The following EPM2A variants were observed in gnomAD, a reference collection of about 807,000 sequenced individuals.
The protein encoded by EPM2A is laforin.
A neutral mutation model predicts 26.5 loss-of-function variants in EPM2A; 21 were observed. The observed-to-expected ratio is 0.79, with a 90% CI of 0.56 to 1.14. The LOEUF (loss-of-function observed/expected upper bound fraction) is 1.14, where lower values mean the gene tolerates loss of function less well. EPM2A is among the 50% of genes most tolerant of loss of function. EPM2A has a pLI of 0.00. For missense variants in EPM2A, 458 were observed against 440.8 expected (o/e 1.04, Z -0.35); for synonymous variants, 217 against 177.6 (o/e 1.22, Z -1.76).
At chr6:145,422,605 C>A in intron 4 of EPM2A, among the ~76,000 whole-genome samples, 1 of 152,132 alleles carries the variant, frequency 6.6e-6, no homozygotes, top group Non-Finnish European at 1.5e-5. Context: ...ACTGACCTCA[C>A]TGACCATCAG....
intron 2 of EPM2A, among the ~76,000 whole-genome samples, chr6:145,567,247 A>G (rs1780895946): frequency 1.3e-5 from 2 of 152,186 alleles, no homozygotes; most frequent in South Asian, 2.1e-4. Context: ...GTTCTTTTGG[A>G]AAGTTCTTCC....
intron 2 of EPM2A, among the ~76,000 whole-genome samples, chr6:145,678,739 G>C (rs1335387879): frequency 6.6e-6 from 1 of 152,156 alleles, no homozygotes; most frequent in Non-Finnish European, 1.5e-5. Context: ...TCATTAAAAA[G>C]TCAGGAAACA....
At chr6:145,563,472 G>C (rs760564760) in intron 2 of EPM2A, among the ~76,000 whole-genome samples, 2 of 151,842 alleles carry the variant, frequency 1.3e-5, no homozygotes, top group African/African-American at 4.8e-5. Flanking sequence ...TGCGGTTAGA[G>C]AGGCCAGAGC....
At chr6:145,418,660 G>T (rs1299143100) in intron 4 of EPM2A, among the ~76,000 whole-genome samples, 3 of 152,158 alleles carry the variant, frequency 2.0e-5, no homozygotes, top group Admixed American at 6.5e-5. Flanking sequence ...CCTCAGTCTT[G>T]ATGGGACTTC....
At chr6:145,562,984 AGCC>A (rs1780829090) in intron 2 of EPM2A, among the ~76,000 whole-genome samples, 1 of 151,568 alleles carries the variant, frequency 6.6e-6, no homozygotes, top group Non-Finnish European at 1.5e-5. Context: ...ATGTGGATGA[AGCC>A]ACACAGGCAT....
chr6:145,529,677 C>G (rs1780327613), intron 2 of EPM2A, among the ~76,000 whole-genome samples: 1 of 152,096 alleles, frequency 6.6e-6, no homozygotes, highest in Non-Finnish European at 1.5e-5. Context: ...GGCCTGGATC[C>G]AAACCCACAT....
chr6:145,635,279 G>T lies in EPM2A; in HGVS notation c.684C>A (p.Tyr228Ter), dbSNP rs1776564154. 1 of 1,614,034 alleles carries T rather than the reference G, an allele frequency of 6.2e-7. No homozygotes were observed. The highest frequency in any genetic ancestry group is 1.1e-5 in the South Asian group (1 of 91,090). The change falls in exon 3 of 4, where the codon TAC becomes TAA. Residue 228 changes from tyrosine (Y) to a stop codon, truncating the protein, a stop_gained. Coordinates refer to ENST00000367519, the MANE Select transcript of EPM2A (RefSeq NM_005670.4). LOFTEE classifies it high-confidence loss of function. The stretch of plus-strand genomic sequence containing the variant: ...TCATATCTGGTGTTGGCATCCAGAT[G>T]TAGGCCAAGCCTTCTTCCCTATATA... ...IKLYREEGLA[Y>*]IWMPTPDMST...
intron 2 of EPM2A, among the ~76,000 whole-genome samples, chr6:145,647,924 C>T (rs1237402378): frequency 1.3e-5 from 2 of 152,182 alleles, no homozygotes; most frequent in Non-Finnish European, 2.9e-5. Flanking sequence ...ACAATTTTCT[C>T]TGCAGACAAA....
chr6:145,474,145 T>C (rs1779511194), intron 4 of EPM2A, among the ~76,000 whole-genome samples: 1 of 151,988 alleles, frequency 6.6e-6, no homozygotes, highest in African/African-American at 2.4e-5. Context: ...AAGATATAAA[T>C]AGAAACAATA....
intron 2 of EPM2A, among the ~76,000 whole-genome samples, chr6:145,535,167 T>C (rs780915228): frequency 3.3e-5 from 5 of 152,198 alleles, no homozygotes; most frequent in African/African-American, 4.8e-5. Flanking sequence ...CCTTGGATCA[T>C]GAGACACGCA....
At chr6:145,461,311 T>C (rs1305960287) in intron 4 of EPM2A, among the ~76,000 whole-genome samples, 1 of 152,142 alleles carries the variant, frequency 6.6e-6, no homozygotes, top group Non-Finnish European at 1.5e-5. Flanking sequence ...GAGTGCACCA[T>C]AGTCAATACA....
intron 2 of EPM2A, among the ~76,000 whole-genome samples, chr6:145,543,358 G>A (rs1378609651): frequency 1.3e-5 from 2 of 151,954 alleles, no homozygotes; most frequent in Non-Finnish European, 2.9e-5. Context: ...ATAAATCTAG[G>A]CCAGTGTCAA....
At chr6:145,609,946 G>A (rs1217649468) in intron 2 of EPM2A, among the ~76,000 whole-genome samples, 1 of 152,212 alleles carries the variant, frequency 6.6e-6, no homozygotes, top group Non-Finnish European at 1.5e-5. Flanking sequence ...GCCAGGCGCA[G>A]TGGCTCATGC....
chr6:145,498,479 C>T (rs1779848895), downstream of EPM2A, among the ~76,000 whole-genome samples: 1 of 152,226 alleles, frequency 6.6e-6, no homozygotes, highest in Non-Finnish European at 1.5e-5. Context: ...AGACTTCACA[C>T]AGCTCTGTGT....
intron 4 of EPM2A, among the ~76,000 whole-genome samples, chr6:145,413,955 T>A (rs1490450491): frequency 5.3e-5 from 8 of 152,148 alleles, no homozygotes; most frequent in African/African-American, 1.9e-4. Flanking sequence ...TTCTCTAGAT[T>A]GTCTTTCCCT....
chr6:145,605,559 G>A (rs745408366), intron 2 of EPM2A, among the ~76,000 whole-genome samples: 7 of 152,024 alleles, frequency 4.6e-5, no homozygotes, highest in Non-Finnish European at 5.9e-5. Context: ...TGTGCTGACT[G>A]TAAATCTCAA....
At chr6:145,453,425 A>T (rs189340717) in intron 4 of EPM2A, among the ~76,000 whole-genome samples, 1 of 152,256 alleles carries the variant, frequency 6.6e-6, no homozygotes, top group African/African-American at 2.4e-5. Flanking sequence ...TGAGAGAGCC[A>T]GTGTCTGTTG....
chr6:145,402,422 C>T (rs1016631482), intron 4 of EPM2A, among the ~76,000 whole-genome samples: 37 of 152,232 alleles, frequency 2.4e-4, no homozygotes, highest in African/African-American at 7.0e-4. Context: ...GAGATAAAGA[C>T]GCATGACATT....
chr6:145,626,979 A>G lies in EPM2A; in HGVS notation c.*437T>C. 9.6e-7 allele frequency: 1 copy of G among 1,046,848 alleles called. No homozygotes were observed. Among genetic ancestry groups the G allele is most frequent in the Non-Finnish European group, 1.2e-6 (1 of 866,552 alleles). The allele number at this position is 1,046,848 out of a possible 1,614,324, so 64.8% of individuals were successfully genotyped here. ...TCTAACCTTATTTCCTCCTTTGGCA[A>G]CTGACCAGCTCACGCACACATACTA... On this transcript the variant is annotated 3_prime_UTR_variant, in exon 4 of 4. Transcript: ENST00000367519.
Sources: allele counts gnomAD v4.1 joint callset (sites outside exome capture counted in the v4.1 genomes callset), GRCh38; gene constraint gnomAD v4.1.1; transcripts MANE v1.5; gene names NCBI Gene and HGNC (gene_info 2026-07-23, HGNC 2026-07-21).